GRIA2: variants seen among roughly 807,000 people sequenced by gnomAD.
GRIA2 encodes glutamate receptor 2.
Under a neutral mutation model 97.3 loss-of-function variants are expected in GRIA2, and 14 were observed. The observed-to-expected ratio is 0.14, with a 90% confidence interval of 0.10 to 0.23. GRIA2 has a LOEUF of 0.23. GRIA2 is among the 10% of genes least tolerant of loss of function. The probability of loss-of-function intolerance (pLI) is 1.00; values close to 1 mark genes in which losing one functional copy is unlikely to be tolerated. For synonymous variants in GRIA2, 412 were observed against 387.8 expected, an observed-to-expected ratio of 1.06 and a Z score of -0.73; for missense variants, 558 against 1,069.8, an observed-to-expected ratio of 0.52 and a Z score of 6.67.
chr4:157,359,125 T>C (rs1260603382), intron 12 of GRIA2, among the ~76,000 whole-genome samples: 1 of 152,190 alleles, frequency 6.6e-6, no homozygotes, highest in Non-Finnish European at 1.5e-5. Context: ...ATAGGAAGTA[T>C]TCAATGACTC....
intron 2 of GRIA2, among the ~76,000 whole-genome samples, chr4:157,273,077 G>A (rs781188401): frequency 3.3e-5 from 5 of 151,880 alleles, no homozygotes; most frequent in Admixed American, 6.6e-5. Context: ...CAATAAAAAT[G>A]ATACAAATAA....
At chr4:157,275,905 T>C (rs932999354) in intron 2 of GRIA2, among the ~76,000 whole-genome samples, 1 of 152,102 alleles carries the variant, frequency 6.6e-6, no homozygotes, top group African/African-American at 2.4e-5. Context: ...GTGAAGAAAG[T>C]CATTGTTAGT....
At chr4:157,309,352 T>G (rs1399551294) in intron 3 of GRIA2, among the ~76,000 whole-genome samples, 2 of 148,668 alleles carry the variant, frequency 1.3e-5, no homozygotes, top group South Asian at 2.1e-4. Flanking sequence ...TTTCTTGGTT[T>G]TTTTTTTTTT....
At chr4:157,278,908 C>A (rs1224770646) in intron 2 of GRIA2, among the ~76,000 whole-genome samples, 1 of 151,922 alleles carries the variant, frequency 6.6e-6, no homozygotes, top group Non-Finnish European at 1.5e-5. Context: ...CAATAAGATA[C>A]CACTACATGC....
Position 157,321,429 on chromosome 4 carries a change from T to C in GRIA2, c.721-9T>C, listed in dbSNP as rs759886575. ...CAAAAAGCGTGATATCAATGTGTTC[T>C]ATGTTTAGGGATTTACTGATGGAGA... On this transcript the variant is annotated splice_polypyrimidine_tract_variant and intron_variant, in intron 5 of 15. Coordinates refer to ENST00000264426, the MANE Select transcript of GRIA2 (RefSeq NM_001083619.3). 1.4e-5 allele frequency: 23 copies of C among 1,596,764 alleles called. No homozygotes were observed. Among genetic ancestry groups the C allele is most frequent in the Non-Finnish European group, 2.0e-5 (23 of 1,169,432 alleles).
intron 2 of GRIA2, among the ~76,000 whole-genome samples, chr4:157,281,976 G>T (rs1422610310): frequency 6.6e-6 from 1 of 152,110 alleles, no homozygotes; most frequent in African/African-American, 2.4e-5. Flanking sequence ...TCCTCAGCCA[G>T]ATTCACAGGT....
chr4:157,221,674 A>G lies in GRIA2; in HGVS notation c.96A>G (p.Leu32=), dbSNP rs761939874. 6 of 1,613,754 alleles carry G rather than the reference A, an allele frequency of 3.7e-6. No homozygotes were observed. The highest frequency in any genetic ancestry group is 1.6e-4 in the Middle Eastern group (1 of 6,082). ...GCTGTTTGTTCTTTGCAGGGGGGCT[A>G]TTTCCTAGGGGCGCCGATCAAGAAT... ...VSSNSIQIGG[L]FPRGADQEYS... Residue 32 remains leucine, a synonymous_variant, in exon 2 of 16, where the codon CTA becomes CTG. Coordinates refer to ENST00000264426, the MANE Select transcript of GRIA2 (RefSeq NM_001083619.3).
At chr4:157,265,946 G>T (rs1037793188) in intron 2 of GRIA2, among the ~76,000 whole-genome samples, 7 of 152,112 alleles carry the variant, frequency 4.6e-5, no homozygotes, top group African/African-American at 1.7e-4. Context: ...AGAAAGGTAG[G>T]TAGGGATGAA....
At position 157,220,821 on chromosome 4, in the gene GRIA2, C is replaced by T; in HGVS notation, c.-222C>T. Reference sequence around the variant, plus strand: ...TGAAAACTGCATTCAGCCAGTCCTCCGGACTTCTGGAGCGGGGACAGGGCG... The same window carrying T: ...TGAAAACTGCATTCAGCCAGTCCTCTGGACTTCTGGAGCGGGGACAGGGCG... On this transcript the variant is annotated 5_prime_UTR_variant, in exon 1 of 16. Coordinates refer to ENST00000264426, the MANE Select transcript of GRIA2 (RefSeq NM_001083619.3). 3 of 568,344 alleles carry T rather than the reference C, an allele frequency of 5.3e-6. No homozygotes were observed. The highest frequency in any genetic ancestry group is 9.4e-6 in the Non-Finnish European group (3 of 319,310). 35.2% of individuals were successfully genotyped at this position (568,344 alleles called of 1,614,324 possible). A position where few individuals can be genotyped will look rare whatever the true frequency, so the allele number is the denominator to read the frequency against.
chr4:157,248,643 A>G lies in GRIA2; in HGVS notation c.229+26836A>G, dbSNP rs866717063. ...TATATACGTATATATATACACCTGT[A>G]TATATATACATACGTATATATTTAT... On this transcript the variant is annotated intron_variant, in intron 2 of 15. Coordinates refer to ENST00000264426, the MANE Select transcript of GRIA2 (RefSeq NM_001083619.3). Among the ~76,000 whole-genome samples the G allele has an allele frequency of 1.6e-3, 233 of 142,418 alleles. 1 individual carries two copies. The highest frequency in any genetic ancestry group is 7.2e-3 in the Middle Eastern group (2 of 278). The allele number at this position is 142,418 out of a possible 152,430, so 93.4% of individuals were successfully genotyped here.
At chr4:157,234,542 C>T (rs1366196584) in intron 2 of GRIA2, among the ~76,000 whole-genome samples, 2 of 152,014 alleles carry the variant, frequency 1.3e-5, no homozygotes, top group African/African-American at 4.8e-5. Context: ...TGATGGTTAA[C>T]ATTTAGTGTG....
At chr4:157,328,724 A>C (rs1006513506) in intron 6 of GRIA2, among the ~76,000 whole-genome samples, 1 of 152,008 alleles carries the variant, frequency 6.6e-6, no homozygotes, top group Non-Finnish European at 1.5e-5. Context: ...CTGAATATAA[A>C]ATTCTTAATC....
At chr4:157,267,010 C>T (rs1437256033) in intron 2 of GRIA2, among the ~76,000 whole-genome samples, 1 of 151,446 alleles carries the variant, frequency 6.6e-6, no homozygotes, top group Non-Finnish European at 1.5e-5. Flanking sequence ...CCCAGGATTT[C>T]GAGGTTACAG....
At chr4:157,315,388 A>T (rs905362293) in intron 4 of GRIA2, among the ~76,000 whole-genome samples, 1 of 151,940 alleles carries the variant, frequency 6.6e-6, no homozygotes, top group Non-Finnish European at 1.5e-5. Flanking sequence ...AAAAAAAAAA[A>T]AAAAGAAACA....
intron 3 of GRIA2, among the ~76,000 whole-genome samples, chr4:157,309,238 CA>C (rs1250826097): frequency 1.3e-5 from 2 of 150,840 alleles, no homozygotes; most frequent in African/African-American, 2.4e-5. Context: ...CCATAGGTTA[CA>C]AAATATTAAT....
chr4:157,350,743 TTAA>T (rs1236572258), intron 12 of GRIA2, among the ~76,000 whole-genome samples: 1 of 152,066 alleles, frequency 6.6e-6, no homozygotes, highest in African/African-American at 2.4e-5. Context: ...TTTAAAATCT[TTAA>T]GTTTATTAGC....
intron 2 of GRIA2, among the ~76,000 whole-genome samples, chr4:157,290,083 T>G (rs904422390): frequency 7.9e-5 from 12 of 151,890 alleles, no homozygotes; most frequent in Admixed American, 7.2e-4. Context: ...TAATTTTATA[T>G]GTAAGTCTTA....
intron 2 of GRIA2, among the ~76,000 whole-genome samples, chr4:157,226,523 T>A (rs1463950486): frequency 2.0e-5 from 3 of 152,186 alleles, no homozygotes; most frequent in Admixed American, 2.0e-4. Context: ...ATTTTTAATC[T>A]CGATTCCCCA....
At chr4:157,309,273 A>T (rs1291862239) in intron 3 of GRIA2, among the ~76,000 whole-genome samples, 1 of 152,018 alleles carries the variant, frequency 6.6e-6, no homozygotes, top group Non-Finnish European at 1.5e-5. Flanking sequence ...ATAACAGTGA[A>T]TCCTGAATCC....
Sources: allele counts gnomAD v4.1 joint callset (sites outside exome capture counted in the v4.1 genomes callset), GRCh38; gene constraint gnomAD v4.1.1; transcripts MANE v1.5; gene names NCBI Gene and HGNC (gene_info 2026-07-23, HGNC 2026-07-21).